Variants in LEKR1 observed in about 807,000 individuals in gnomAD.
The protein encoded by LEKR1 is leucine, glutamate and lysine rich 1.
A neutral mutation model predicts 72.4 loss-of-function variants in LEKR1; 59 were observed. That is an observed-to-expected ratio of 0.82 (90% confidence interval 0.66 to 1.01). LEKR1 has a LOEUF of 1.01. LEKR1 is among the 50% of genes least tolerant of loss of function. LEKR1 has a pLI of 0.00. For missense variants in LEKR1, 728 were observed against 759.2 expected (o/e 0.96, Z 0.48); for synonymous variants, 257 against 263.2 (o/e 0.98, Z 0.23).
intron 3 of LEKR1, among the ~76,000 whole-genome samples, chr3:156,880,770 A>G (rs1203030060): frequency 6.6e-6 from 1 of 152,232 alleles, no homozygotes; most frequent in African/African-American, 2.4e-5. Flanking sequence ...TGGCAAACCG[A>G]ATCCAGCAGC....
Position 156,996,786 on chromosome 3 carries a change from C to A in LEKR1, c.1109+3509C>A, listed in dbSNP as rs889074593. Among the ~76,000 whole-genome samples the A allele has an allele frequency of 3.9e-5, 6 of 152,110 alleles. No homozygotes were observed. In the South Asian group the frequency reaches 1.0e-3, roughly 26 times the overall value. On this transcript the variant is annotated intron_variant, in intron 9 of 12. Coordinates refer to ENST00000356539, the MANE Select transcript of LEKR1 (RefSeq NM_001004316.3). ...TAAGGGTTAAAAAGATCTTCTCATT[C>A]GGGCATGGTGGTTCATGCCTGTGAT...
At chr3:156,844,905 G>GT (rs1430620023) in intron 2 of LEKR1, among the ~76,000 whole-genome samples, 1,995 of 56,272 alleles carry the variant, frequency 0.035, 95 homozygotes, top group East Asian at 0.35. Flanking sequence ...AGTAACTACA[G>GT]GTTTTTTTTT....
At chr3:156,933,463 C>G (rs190314014) in intron 5 of LEKR1, among the ~76,000 whole-genome samples, 9 of 152,200 alleles carry the variant, frequency 5.9e-5, no homozygotes, top group Admixed American at 5.2e-4. Context: ...TTTGCCAACA[C>G]TTAGTATTGT....
intron 3 of LEKR1, among the ~76,000 whole-genome samples, chr3:156,871,974 C>G (rs988465245): frequency 1.3e-5 from 2 of 151,968 alleles, no homozygotes; most frequent in Non-Finnish European, 2.9e-5. Flanking sequence ...GGAGAATTCC[C>G]TCCTCTTCAG....
rs73025867 is a variant in LEKR1, at chr3:156,884,020, T to A, written c.263+31038T>A. On this transcript the variant is annotated intron_variant, in intron 3 of 12. Transcript: ENST00000356539. ...TTCTTACTGGACTATTTTTTACCAT[T>A]ACATAATGTCTCTGTCTTTTTTAAC... Among the ~76,000 whole-genome samples, 697 of 152,338 alleles carry A rather than the reference T, an allele frequency of 4.6e-3. 3 individuals carry two copies. Among genetic ancestry groups the A allele is most frequent in the African/African-American group, 0.016 (666 of 41,586 alleles).
At chr3:156,839,033 G>A (rs1410902367) in intron 2 of LEKR1, among the ~76,000 whole-genome samples, 1 of 152,008 alleles carries the variant, frequency 6.6e-6, no homozygotes, top group African/African-American at 2.4e-5. Context: ...GAAAAAAAAA[G>A]GACACAAAAT....
At chr3:156,838,338 C>T (rs888751670) in intron 2 of LEKR1, among the ~76,000 whole-genome samples, 17 of 152,180 alleles carry the variant, frequency 1.1e-4, no homozygotes, top group African/African-American at 3.9e-4. Flanking sequence ...TATACAAATA[C>T]GCACAATGAG....
At chr3:156,835,343 G>A (rs1040778574) in intron 2 of LEKR1, among the ~76,000 whole-genome samples, 1 of 152,216 alleles carries the variant, frequency 6.6e-6, no homozygotes, top group African/African-American at 2.4e-5. Context: ...TGGATTTGTG[G>A]CTTCAGGGTG....
At chr3:156,865,738 C>A (rs1717238604) in intron 3 of LEKR1, among the ~76,000 whole-genome samples, 1 of 152,066 alleles carries the variant, frequency 6.6e-6, no homozygotes, top group African/African-American at 2.4e-5. Context: ...TCTCTATGGT[C>A]TGAGAGTCTG....
At chr3:157,021,548 T>C (rs558219298) in intron 10 of LEKR1, among the ~76,000 whole-genome samples, 30 of 152,288 alleles carry the variant, frequency 2.0e-4, no homozygotes, top group African/African-American at 7.0e-4. Flanking sequence ...TTTTGAAGGT[T>C]CTTCTAAAGT....
At chr3:156,844,597 A>G (rs1427764298) in intron 2 of LEKR1, among the ~76,000 whole-genome samples, 1 of 152,164 alleles carries the variant, frequency 6.6e-6, no homozygotes. Flanking sequence ...GGAATGTTAT[A>G]TAAATGGAAT....
chr3:156,929,630 G>A (rs1725025021), intron 5 of LEKR1, among the ~76,000 whole-genome samples: 1 of 151,404 alleles, frequency 6.6e-6, no homozygotes, highest in Non-Finnish European at 1.5e-5. Flanking sequence ...AAAACACACT[G>A]GCCAGTGTAC....
intron 3 of LEKR1, among the ~76,000 whole-genome samples, chr3:156,869,884 T>A (rs1424444687): frequency 6.6e-6 from 1 of 152,014 alleles, no homozygotes; most frequent in Non-Finnish European, 1.5e-5. Context: ...GATTTCTGTA[T>A]ATGGTGAGAG....
At chr3:156,952,431 T>G (rs1310626833) in intron 6 of LEKR1, among the ~76,000 whole-genome samples, 1 of 151,518 alleles carries the variant, frequency 6.6e-6, no homozygotes. Context: ...TGTGAAGTTT[T>G]GGAGTTTAGC....
chr3:156,899,903 T>A (rs1721837464), intron 3 of LEKR1, among the ~76,000 whole-genome samples: 2 of 151,996 alleles, frequency 1.3e-5, no homozygotes, highest in Non-Finnish European at 1.5e-5. Flanking sequence ...GAATTTATTC[T>A]AAAGAATTCC....
intron 12 of LEKR1, among the ~76,000 whole-genome samples, chr3:157,042,039 T>G (rs1735386649): frequency 6.6e-6 from 1 of 152,232 alleles, no homozygotes; most frequent in Non-Finnish European, 1.5e-5. Context: ...TTTTCATTTT[T>G]TAATCCCATA....
chr3:156,950,556 A>G (rs1230929279), intron 6 of LEKR1, among the ~76,000 whole-genome samples: 1 of 150,852 alleles, frequency 6.6e-6, no homozygotes, highest in Non-Finnish European at 1.5e-5. Context: ...TCATCTTCCT[A>G]GTTAGCTGTA....
chr3:156,930,852 A>AT (rs753756341), intron 5 of LEKR1, among the ~76,000 whole-genome samples: 4 of 152,156 alleles, frequency 2.6e-5, no homozygotes, highest in African/African-American at 7.2e-5. Flanking sequence ...GTATGACTGA[A>AT]TACCCATGTA....
chr3:156,957,800 C>G (rs1304623972), intron 6 of LEKR1, among the ~76,000 whole-genome samples: 1 of 152,042 alleles, frequency 6.6e-6, no homozygotes, highest in East Asian at 1.9e-4. Context: ...CTCTTTCTCT[C>G]TCTCCTTTTA....
Sources: gnomAD v4.1 joint callset for allele counts (sites outside exome capture counted in the v4.1 genomes callset) on GRCh38, gnomAD v4.1.1 for gene constraint, MANE v1.5 for transcripts, NCBI Gene and HGNC (gene_info 2026-07-23, HGNC 2026-07-21) for gene names.